EPM2AIP1: variants seen among roughly 807,000 people sequenced by gnomAD.
EPM2AIP1 encodes EPM2A interacting protein 1.
Under a neutral mutation model 44.8 loss-of-function variants are expected in EPM2AIP1, and 23 were observed. That is an observed-to-expected ratio of 0.51 (90% CI 0.37 to 0.73). The LOEUF is 0.73. Ranked by LOEUF, EPM2AIP1 falls within the 30% of genes least tolerant of loss-of-function variation. EPM2AIP1 has a pLI of 0.00. For synonymous variants in EPM2AIP1, 311 were observed against 284.3 expected, an observed-to-expected ratio of 1.09 and a Z score of -0.94; for missense variants, 652 against 743.9, an observed-to-expected ratio of 0.88 and a Z score of 1.44.
At position 36,986,327 on chromosome 3, in the gene EPM2AIP1, G is replaced by C. The variant is rs998865305; in HGVS notation, c.*4927C>G. 1.3e-5 allele frequency: 2 copies of C among 152,030 alleles called. No individual in the cohort carries two copies. Among genetic ancestry groups the C allele is most frequent in the African/African-American group, 2.4e-5 (1 of 41,384 alleles). The allele number at this position is 152,030 out of a possible 1,614,324, so 9.4% of individuals were successfully genotyped here. A position where few individuals can be genotyped will look rare whatever the true frequency, so the allele number is the denominator to read the frequency against. ...AGAAGAGATGAACTCAGAAAAGACTGGTCAGTTTGCAGGCAAAAATGAAAA... is the reference window on the plus strand; with the variant it reads ...AGAAGAGATGAACTCAGAAAAGACTCGTCAGTTTGCAGGCAAAAATGAAAA... On this transcript the variant is annotated 3_prime_UTR_variant, in exon 1 of 1. Transcript: ENST00000322716.
In EPM2AIP1 at chr3:36,992,805, G is replaced by A; in HGVS notation, c.273C>T (p.Phe91=). 10 of 1,613,000 alleles carry A rather than the reference G, an allele frequency of 6.2e-6. No homozygotes were observed. The highest frequency in any genetic ancestry group is 7.6e-6 in the Non-Finnish European group (9 of 1,179,866). Residue 91 remains phenylalanine (F), a synonymous_variant, in exon 1 of 1, where the codon TTC becomes TTT. Coordinates refer to ENST00000322716, the MANE Select transcript of EPM2AIP1 (RefSeq NM_014805.4). This position sits in a 1 kb window ranked among gnomAD's most constrained non-coding sequence, Gnocchi z 5.3. ...CACGAGCAGCTCTCTCTTCAGGAGT[G>A]AAGGAGGCCACGGGCAAGTCGCCCT... is the stretch of plus-strand genomic sequence containing the variant. ...LRQGDLPVAS[F]TPEERAARAG...
At position 36,986,008 on chromosome 3, in the gene EPM2AIP1, A is replaced by G. The variant is rs931717162; in HGVS notation, c.*5246T>C. 6.6e-6 allele frequency: 1 copy of G among 152,214 alleles called. No homozygotes were observed. The highest frequency in any genetic ancestry group is 1.5e-5 in the Non-Finnish European group (1 of 68,032). 9.4% of individuals were successfully genotyped at this position (152,214 alleles called of 1,614,324 possible). On this transcript the variant is annotated 3_prime_UTR_variant, in exon 1 of 1. Coordinates refer to ENST00000322716, the MANE Select transcript of EPM2AIP1 (RefSeq NM_014805.4). ...TAGAAAAGTTGTGTGAGACAGTGAGATTTTGCCTTTGTTATTCAATGGCAA... is the reference window on the plus strand; with the variant it reads ...TAGAAAAGTTGTGTGAGACAGTGAGGTTTTGCCTTTGTTATTCAATGGCAA...
Position 36,985,405 on chromosome 3 carries a change from G to A in EPM2AIP1, c.*5849C>T, listed in dbSNP as rs1575362903. The A allele has an allele frequency of 6.6e-6, 1 of 152,168 alleles. No homozygotes were observed. Among genetic ancestry groups the A allele is most frequent in the Non-Finnish European group, 1.5e-5 (1 of 68,044 alleles). 9.4% of individuals were successfully genotyped at this position (152,168 alleles called of 1,614,324 possible). Reference sequence around the variant, plus strand: ...AGGGCATATATAAAAACCCACTGAGGTGTACACTTAATATCGGTACACTTT... The same window carrying A: ...AGGGCATATATAAAAACCCACTGAGATGTACACTTAATATCGGTACACTTT... On this transcript the variant is annotated 3_prime_UTR_variant, in exon 1 of 1. Coordinates refer to ENST00000322716, the MANE Select transcript of EPM2AIP1 (RefSeq NM_014805.4).
At position 36,990,394 on chromosome 3, in the gene EPM2AIP1, A is replaced by C. The variant is rs1231283074; in HGVS notation, c.*860T>G. The C allele has an allele frequency of 1.0e-6, 1 of 984,380 alleles. No homozygotes were observed. The highest frequency in any genetic ancestry group is 1.8e-5 in the African/African-American group (1 of 57,034). The allele number at this position is 984,380 out of a possible 1,614,324, so 61.0% of individuals were successfully genotyped here. A position where few individuals can be genotyped will look rare whatever the true frequency, so the allele number is the denominator to read the frequency against. Reference sequence around the variant, plus strand: ...CTCACACCTCCTAATCCTGGAGTGCAATCTTTTTTCCTCATCGTTTTTGAT... The same window carrying C: ...CTCACACCTCCTAATCCTGGAGTGCCATCTTTTTTCCTCATCGTTTTTGAT... On this transcript the variant is annotated 3_prime_UTR_variant, in exon 1 of 1. Coordinates refer to ENST00000322716, the MANE Select transcript of EPM2AIP1 (RefSeq NM_014805.4).
rs1300792639 is a variant in EPM2AIP1, at chr3:36,987,938, T to A, written c.*3316A>T. The A allele has an allele frequency of 6.6e-6, 1 of 152,218 alleles. No individual in the cohort carries two copies. The highest frequency in any genetic ancestry group is 2.4e-5 in the African/African-American group (1 of 41,470). The allele number at this position is 152,218 out of a possible 1,614,324, so 9.4% of individuals were successfully genotyped here. ...CTAGAGATATAACAGTGAACAAGGC[T>A]TATATGGTCCCTGCCCTTACAAAGC... is the stretch of plus-strand genomic sequence containing the variant. On this transcript the variant is annotated 3_prime_UTR_variant, in exon 1 of 1. Coordinates refer to ENST00000322716, the MANE Select transcript of EPM2AIP1 (RefSeq NM_014805.4).
Position 36,992,715 on chromosome 3 carries a change from T to C in EPM2AIP1, c.363A>G (p.Val121=), listed in dbSNP as rs745596905. 4.3e-6 allele frequency: 7 copies of C among 1,613,838 alleles called. No homozygotes were observed. Among genetic ancestry groups the C allele is most frequent in the Admixed American group, 1.7e-5 (1 of 60,010 alleles). ...KGRGWGEGDF[V]YQCMEVLLRE... ...TCAGCAACACCTCCATGCACTGGTA[T>C]ACAAAGTCCCCCTCACCCCAGCCGC... The change falls in exon 1 of 1, where the codon GTA becomes GTG. Residue 121 remains valine (V), a synonymous_variant. Transcript: ENST00000322716. The surrounding 1 kb of genome is among the most constrained non-coding windows in gnomAD (Gnocchi z 5.3).
In EPM2AIP1 at chr3:36,992,771, CG is replaced by C. The variant is rs1384752494; in HGVS notation, c.306del (p.Leu104SerfsTer7). 6.2e-7 allele frequency: 1 copy of C among 1,613,630 alleles called. No individual in the cohort carries two copies. Among genetic ancestry groups the C allele is most frequent in the Non-Finnish European group, 8.5e-7 (1 of 1,179,904 alleles). On this transcript the variant is annotated frameshift_variant, in exon 1 of 1. Transcript: ENST00000322716. LOFTEE classifies it high-confidence loss of function. The surrounding 1 kb of genome is among the most constrained non-coding windows in gnomAD (Gnocchi z 5.3). ...TPEERAARAG[L>X]GLCRLLALKG... ...TTCAAGGCCAAGAGGCGGCAGAGCC[CG>C]AGGCCTGCACGAGCAGCTCTCTCTT...
Position 36,991,663 on chromosome 3 carries a change from T to C in EPM2AIP1, c.1415A>G (p.Glu472Gly). Residue 472 changes from glutamate (E) to glycine (G), a missense_variant, in exon 1 of 1, where the codon GAG becomes GGG. Physicochemically the swap from Glu to Gly is moderately conservative, Grantham distance 98. Coordinates refer to ENST00000322716, the MANE Select transcript of EPM2AIP1 (RefSeq NM_014805.4). Reference sequence around the variant, plus strand: ...GAACCTGAGGTCCTTAAAATGTCTCTCAAATTCTTTTTGGAGACGACAGAT... The same window carrying C: ...GAACCTGAGGTCCTTAAAATGTCTCCCAAATTCTTTTTGGAGACGACAGAT... Reference protein sequence around the residue: ...MVICRLQKEFERHFKDLRFIK... With the variant: ...MVICRLQKEFGRHFKDLRFIK... 1.2e-6 allele frequency: 2 copies of C among 1,612,592 alleles called. No homozygotes were observed. The highest frequency in any genetic ancestry group is 1.7e-6 in the Non-Finnish European group (2 of 1,179,450).
rs1349634602 is a variant in EPM2AIP1 at position 36,985,502 on chromosome 3, T to C, written c.*5752A>G. The C allele has an allele frequency of 6.6e-6, 1 of 152,236 alleles. No individual in the cohort carries two copies. Among genetic ancestry groups the C allele is most frequent in the Non-Finnish European group, 1.5e-5 (1 of 68,036 alleles). 9.4% of individuals were successfully genotyped at this position (152,236 alleles called of 1,614,324 possible). On this transcript the variant is annotated 3_prime_UTR_variant, in exon 1 of 1. Transcript: ENST00000322716. ...TATAAATGAAGATGTTAATCAGTGG[T>C]GTTGTCTTCCAAATATTTCTGGTTT... is the stretch of plus-strand genomic sequence containing the variant.
rs1186208544 is a variant in EPM2AIP1, at chr3:36,988,278, G to A, written c.*2976C>T. On this transcript the variant is annotated 3_prime_UTR_variant, in exon 1 of 1. Transcript: ENST00000322716. The stretch of plus-strand genomic sequence containing the variant: ...GGAGGCTGTTGCTATAATTTAGGTA[G>A]GTTGATGGCCTGAATTAAAATGGCA... 6.6e-6 allele frequency: 1 copy of A among 152,186 alleles called. No individual in the cohort carries two copies. Among genetic ancestry groups the A allele is most frequent in the Non-Finnish European group, 1.5e-5 (1 of 68,026 alleles). 9.4% of individuals were successfully genotyped at this position (152,186 alleles called of 1,614,324 possible). A position where few individuals can be genotyped will look rare whatever the true frequency, so the allele number is the denominator to read the frequency against.
In EPM2AIP1 at chr3:36,992,342, T is replaced by A. The variant is rs1337351984; in HGVS notation, c.736A>T (p.Thr246Ser). ...CCAATCATCCTCAAAGTATGGGTCG[T>A]GGTCAGTCCAACCATTCTCTGCAAG... ...LSLQRMVGLT[T>S]THTLRMIGEN... Residue 246 changes from threonine to serine, a missense_variant, in exon 1 of 1, where the codon ACG becomes TCG. Transcript: ENST00000322716. The surrounding 1 kb of genome is among the most constrained non-coding windows in gnomAD (Gnocchi z 5.3). 1 of 1,613,982 alleles carries A rather than the reference T, an allele frequency of 6.2e-7. No individual in the cohort carries two copies. Among genetic ancestry groups the A allele is most frequent in the South Asian group, 1.1e-5 (1 of 91,086 alleles).
In EPM2AIP1 at chr3:36,991,275, TTCTC is replaced by T; in HGVS notation, c.1799_1802del (p.Arg600LysfsTer11). 1 of 1,607,454 alleles carries T rather than the reference TTCTC, an allele frequency of 6.2e-7. No individual in the cohort carries two copies. The highest frequency in any genetic ancestry group is 8.5e-7 in the Non-Finnish European group (1 of 1,175,900). On this transcript the variant is annotated frameshift_variant, in exon 1 of 1. Coordinates refer to ENST00000322716, the MANE Select transcript of EPM2AIP1 (RefSeq NM_014805.4). LOFTEE classifies it high-confidence loss of function. ...AGCCTTATGGATTAGATTCATTTCT[TTCTC>T]TCACAAGGTCATCCCAACCGGGCTC...
rs1294358271 is a variant in EPM2AIP1, at chr3:36,985,963, A to T, written c.*5291T>A. The T allele has an allele frequency of 6.6e-6, 1 of 152,248 alleles. No individual in the cohort carries two copies. Among genetic ancestry groups the T allele is most frequent in the African/African-American group, 2.4e-5 (1 of 41,462 alleles). The allele number at this position is 152,248 out of a possible 1,614,324, so 9.4% of individuals were successfully genotyped here. Reference sequence around the variant, plus strand: ...ATGGCCAACCTATGATCTAAACCAAAGTCCCTAGGCAAGTTGCAATAGAAA... The same window carrying T: ...ATGGCCAACCTATGATCTAAACCAATGTCCCTAGGCAAGTTGCAATAGAAA... On this transcript the variant is annotated 3_prime_UTR_variant, in exon 1 of 1. Coordinates refer to ENST00000322716, the MANE Select transcript of EPM2AIP1 (RefSeq NM_014805.4).
At position 36,992,353 on chromosome 3, in the gene EPM2AIP1, A is replaced by G; in HGVS notation, c.725T>C (p.Val242Ala). ...CAAAGTATGGGTCGTGGTCAGTCCA[A>G]CCATTCTCTGCAAGCTAAGCCCTGC... is the stretch of plus-strand genomic sequence containing the variant. ...QTAGLSLQRM[V>A]GLTTTHTLRM... is the part of the protein sequence containing the mutation. Residue 242 changes from valine to alanine, a missense_variant, in exon 1 of 1, where the codon GTT becomes GCT. Val to Ala is a moderately conservative substitution (Grantham distance 64). Transcript: ENST00000322716. This position sits in a 1 kb window ranked among gnomAD's most constrained non-coding sequence, Gnocchi z 5.3. 6.2e-7 allele frequency: 1 copy of G among 1,613,984 alleles called. No individual in the cohort carries two copies. The highest frequency in any genetic ancestry group is 1.3e-5 in the African/African-American group (1 of 75,016).
Position 36,991,787 on chromosome 3 carries a change from G to A in EPM2AIP1, c.1291C>T (p.Leu431=), listed in dbSNP as rs2125689002. Residue 431 remains leucine, a synonymous_variant, in exon 1 of 1, where the codon CTA becomes TTA. Coordinates refer to ENST00000322716, the MANE Select transcript of EPM2AIP1 (RefSeq NM_014805.4). ...TCTCTGAGGGCAGGAAAGTCTGTTA[G>A]ATTTTTTTCCTCAATATGTCTTTGA... is the stretch of plus-strand genomic sequence containing the variant. ...LFQRHIEEKN[L]TDFPALREVV... 3.1e-6 allele frequency: 5 copies of A among 1,613,304 alleles called. No individual in the cohort carries two copies. Among genetic ancestry groups the A allele is most frequent in the Non-Finnish European group, 3.4e-6 (4 of 1,179,718 alleles).
chr3:36,992,378 C>T lies in EPM2AIP1; in HGVS notation c.700G>A (p.Ala234Thr), dbSNP rs574057196. The change falls in exon 1 of 1, where the codon GCA becomes ACA. Residue 234 changes from alanine to threonine, a missense_variant. Transcript: ENST00000322716. This position sits in a 1 kb window ranked among gnomAD's most constrained non-coding sequence, Gnocchi z 5.3. ...MSAILESLQT[A>T]GLSLQRMVGL... ...ACCATTCTCTGCAAGCTAAGCCCTG[C>T]TGTCTGCAGGGACTCTAGGATTGCC... is the stretch of plus-strand genomic sequence containing the variant. 1 of 1,613,842 alleles carries T rather than the reference C, an allele frequency of 6.2e-7. No homozygotes were observed. The highest frequency in any genetic ancestry group is 1.3e-5 in the African/African-American group (1 of 74,906).
chr3:36,992,499 G>A lies in EPM2AIP1; in HGVS notation c.579C>T (p.Val193=). Residue 193 remains valine, a synonymous_variant, in exon 1 of 1, where the codon GTC becomes GTT. Transcript: ENST00000322716. The surrounding 1 kb of genome is among the most constrained non-coding windows in gnomAD (Gnocchi z 5.3). The stretch of plus-strand genomic sequence containing the variant: ...ACTCAGGGCCTACACCGCGGATAAA[G>A]ACCAGGAGGTAGTTCTCATAGGCCA... The part of the protein sequence containing the change: ...AFVAYENYLL[V]FIRGVGPELE... 6.2e-7 allele frequency: 1 copy of A among 1,613,994 alleles called. No homozygotes were observed. The highest frequency in any genetic ancestry group is 8.5e-7 in the Non-Finnish European group (1 of 1,179,884).
Position 36,993,041 on chromosome 3 carries a change from C to T in EPM2AIP1, c.37G>A (p.Asp13Asn). The T allele has an allele frequency of 6.2e-7, 1 of 1,610,578 alleles. No homozygotes were observed. The highest frequency in any genetic ancestry group is 8.5e-7 in the Non-Finnish European group (1 of 1,178,194). The change falls in exon 1 of 1, where the codon GAC (aspartate) becomes AAC (asparagine). Residue 13 changes from aspartate (D) to asparagine (N), a missense_variant. Transcript: ENST00000322716. The part of the protein sequence containing the change: ...MTPKRSKMEV[D>N]EALVFRPEWT... The stretch of plus-strand genomic sequence containing the variant: ...TCGGGCCGGAAAACTAGAGCCTCGT[C>T]GACTTCCATCTTGCTTCTTTTGGGC...
rs149027903 is a variant in EPM2AIP1 at position 36,990,754 on chromosome 3, G to A, written c.*500C>T. On this transcript the variant is annotated 3_prime_UTR_variant, in exon 1 of 1. Coordinates refer to ENST00000322716, the MANE Select transcript of EPM2AIP1 (RefSeq NM_014805.4). Reference sequence around the variant, plus strand: ...TTTAAAAAAAAGTCTCAAACATTTTGATGGTTAGACAAAACACCTCCACTG... The same window carrying A: ...TTTAAAAAAAAGTCTCAAACATTTTAATGGTTAGACAAAACACCTCCACTG... 4.1e-6 allele frequency: 4 copies of A among 985,502 alleles called. No individual in the cohort carries two copies. Among genetic ancestry groups the A allele is most frequent in the Non-Finnish European group, 4.8e-6 (4 of 829,894 alleles). 61.0% of individuals were successfully genotyped at this position (985,502 alleles called of 1,614,324 possible).
Sources: gnomAD v4.1 joint callset for allele counts on GRCh38, gnomAD v4.1.1 for gene constraint, Gnocchi (gnomAD v3.1) non-coding constraint, MANE v1.5 for transcripts, NCBI Gene and HGNC (gene_info 2026-07-23, HGNC 2026-07-21) for gene names.